FRMD5: variants seen among roughly 807,000 people sequenced by gnomAD.
FRMD5 encodes FERM domain-containing protein 5.
In FRMD5, 20 loss-of-function variants were observed where a neutral mutation model predicts 69.0. The observed-to-expected ratio is 0.29, with a 90% CI of 0.20 to 0.42. The LOEUF is 0.42. Among genes scored for constraint, FRMD5 ranks in the 10% least tolerant of loss-of-function variants. FRMD5 has a pLI of 1.00. For missense variants in FRMD5, 595 were observed against 708.6 expected (o/e 0.84, Z 1.82); for synonymous variants, 271 against 260.1 (o/e 1.04, Z -0.40).
rs1299372568 is a variant in FRMD5 at position 43,901,761 on chromosome 15, C to T, written c.639+414G>A. Reference sequence around the variant, plus strand: ...ATTAAATGTGACTCCACTGCAGTTCCGTGCAGTGACTTATGCCACTGCAGT... The same window carrying T: ...ATTAAATGTGACTCCACTGCAGTTCTGTGCAGTGACTTATGCCACTGCAGT... On this transcript the variant is annotated intron_variant, in intron 7 of 13. Coordinates refer to ENST00000417257, the MANE Select transcript of FRMD5 (RefSeq NM_032892.5). 3.3e-5 allele frequency among the ~76,000 whole-genome samples: 5 copies of T among 152,242 alleles called. No individual in the cohort carries two copies. In the East Asian group the frequency reaches 9.7e-4, roughly 29 times the overall value.
At chr15:43,885,979 A>G (rs749229312) in intron 10 of FRMD5, among the ~76,000 whole-genome samples, 1 of 152,194 alleles carries the variant, frequency 6.6e-6, no homozygotes, top group Non-Finnish European at 1.5e-5. Flanking sequence ...AACCCATTTT[A>G]GTGTCAGGAG....
intron 1 of FRMD5, among the ~76,000 whole-genome samples, chr15:44,154,228 T>A (rs1327048768): frequency 6.6e-6 from 1 of 151,852 alleles, no homozygotes; most frequent in Non-Finnish European, 1.5e-5. Flanking sequence ...GAGGCTGAGG[T>A]GGGAGGATCA....
chr15:43,983,841 C>T (rs2140631554), intron 1 of FRMD5, among the ~76,000 whole-genome samples: 1 of 152,330 alleles, frequency 6.6e-6, no homozygotes, highest in East Asian at 1.9e-4. Flanking sequence ...CTTTCATCTT[C>T]AGGGGCCTAG....
intron 1 of FRMD5, among the ~76,000 whole-genome samples, chr15:44,005,794 C>T (rs1393346497): frequency 3.3e-5 from 5 of 152,182 alleles, no homozygotes; most frequent in Admixed American, 2.0e-4. Flanking sequence ...CCACCAGATC[C>T]AATCACTTCC....
intron 13 of FRMD5, among the ~76,000 whole-genome samples, chr15:43,876,849 C>T (rs1050820555): frequency 6.6e-6 from 1 of 152,178 alleles, no homozygotes; most frequent in Non-Finnish European, 1.5e-5. Flanking sequence ...CTTCAGAGCA[C>T]AAAACAGTTT....
At chr15:44,041,440 T>C (rs941005434) in intron 1 of FRMD5, among the ~76,000 whole-genome samples, 2 of 152,208 alleles carry the variant, frequency 1.3e-5, no homozygotes, top group Admixed American at 1.3e-4. Flanking sequence ...ATAATAGACA[T>C]CTACAGAACT....
rs73406762 is a variant in FRMD5, at chr15:44,032,803, G to A, written c.103-108494C>T. Among the ~76,000 whole-genome samples, 1,458 of 151,844 alleles carry A rather than the reference G, an allele frequency of 9.6e-3. 23 individuals carry two copies. Among genetic ancestry groups the A allele is most frequent in the African/African-American group, 0.033 (1,365 of 41,468 alleles). ...GTGGAAAGCAGTATGGCAATTCCTC[G>A]CTACAAAGAGCTCAACAGCAGAGCT... On this transcript the variant is annotated intron_variant, in intron 1 of 13. Transcript: ENST00000417257.
intron 1 of FRMD5, among the ~76,000 whole-genome samples, chr15:43,954,308 A>C (rs2090081629): frequency 6.6e-6 from 1 of 152,178 alleles, no homozygotes; most frequent in African/African-American, 2.4e-5. Context: ...GAGGGCTGAG[A>C]CCCAAAGCAG....
At chr15:44,182,580 C>T (rs530121861) in intron 1 of FRMD5, among the ~76,000 whole-genome samples, 2 of 152,252 alleles carry the variant, frequency 1.3e-5, no homozygotes, top group East Asian at 1.9e-4. Flanking sequence ...CCCACCTTGG[C>T]CTCCCAAAGT....
At chr15:44,120,413 T>C (rs1190950673) in intron 1 of FRMD5, among the ~76,000 whole-genome samples, 4 of 151,946 alleles carry the variant, frequency 2.6e-5, no homozygotes, top group South Asian at 2.1e-4. Context: ...CAAAACATGA[T>C]AAGAGATTCA....
At chr15:43,931,728 C>G (rs951543341) in intron 1 of FRMD5, among the ~76,000 whole-genome samples, 1 of 152,084 alleles carries the variant, frequency 6.6e-6, no homozygotes, top group East Asian at 1.9e-4. Context: ...TATTTCCCTC[C>G]TCTTCACAAA....
At chr15:43,966,355 CAG>C (rs1281662050) in intron 1 of FRMD5, among the ~76,000 whole-genome samples, 2 of 152,028 alleles carry the variant, frequency 1.3e-5, no homozygotes, top group East Asian at 1.9e-4. Context: ...GCCTGGGAGA[CAG>C]AGTGAGACCC....
chr15:44,060,679 G>T (rs913428915), intron 1 of FRMD5, among the ~76,000 whole-genome samples: 3 of 151,970 alleles, frequency 2.0e-5, no homozygotes, highest in Non-Finnish European at 4.4e-5. Flanking sequence ...TTCCATAATG[G>T]AACAAGAGGG....
intron 1 of FRMD5, among the ~76,000 whole-genome samples, chr15:44,017,848 AT>A (rs1891040931): frequency 6.6e-6 from 1 of 151,882 alleles, no homozygotes; most frequent in Admixed American, 6.6e-5. Flanking sequence ...TAACCTCGTG[AT>A]CCGCCCGCCT....
intron 1 of FRMD5, among the ~76,000 whole-genome samples, chr15:44,188,941 G>A (rs2078147411): frequency 6.6e-6 from 1 of 152,046 alleles, no homozygotes; most frequent in Admixed American, 6.5e-5. Flanking sequence ...GAAGTGGAAG[G>A]GTGGGGGGTT....
At chr15:43,983,045 C>T (rs1046702750) in intron 1 of FRMD5, among the ~76,000 whole-genome samples, 2 of 152,296 alleles carry the variant, frequency 1.3e-5, no homozygotes, top group Non-Finnish European at 2.9e-5. Flanking sequence ...ATTCTCCTGC[C>T]TCAGCCTCCT....
At chr15:43,932,214 A>C (rs935247483) in intron 1 of FRMD5, among the ~76,000 whole-genome samples, 2 of 152,210 alleles carry the variant, frequency 1.3e-5, no homozygotes, top group African/African-American at 4.8e-5. Flanking sequence ...CTCAGCAATG[A>C]GTCAATGCAC....
At chr15:44,084,745 T>C (rs577134739) in intron 1 of FRMD5, among the ~76,000 whole-genome samples, 71 of 152,278 alleles carry the variant, frequency 4.7e-4, no homozygotes, top group Admixed American at 2.4e-3. Flanking sequence ...TTAAATGGTA[T>C]GTGTTGTATC....
intron 1 of FRMD5, among the ~76,000 whole-genome samples, chr15:43,953,995 C>A (rs1184055091): frequency 6.6e-6 from 1 of 152,124 alleles, no homozygotes; most frequent in Non-Finnish European, 1.5e-5. Flanking sequence ...TTGATCCTTA[C>A]CCAAGTCCTC....
Sources: allele counts gnomAD v4.1 joint callset (sites outside exome capture counted in the v4.1 genomes callset), GRCh38; gene constraint gnomAD v4.1.1; transcripts MANE v1.5; gene names NCBI Gene and HGNC (gene_info 2026-07-23, HGNC 2026-07-21).